MYOM3: variants seen among roughly 807,000 people sequenced by gnomAD.
MYOM3 encodes the protein myomesin 3.
In MYOM3, 155 loss-of-function variants were observed where a neutral mutation model predicts 191.7. That is an observed-to-expected ratio of 0.81 (90% CI 0.71 to 0.92). The LOEUF is 0.92. Among genes scored for constraint, MYOM3 ranks in the 40% least tolerant of loss-of-function variants. The probability of loss-of-function intolerance (pLI) is 0.00; values close to 1 mark genes in which losing one functional copy is unlikely to be tolerated. For missense variants in MYOM3, 1,889 were observed against 1,890.6 expected (o/e 1.00, Z 0.02); for synonymous variants, 757 against 762.9 (o/e 0.99, Z 0.13).
At chr1:24,100,370 CT>C (rs1199575842) in intron 5 of MYOM3, among the ~76,000 whole-genome samples, 3 of 152,178 alleles carry the variant, frequency 2.0e-5, no homozygotes, top group Non-Finnish European at 4.4e-5. Context: ...GTTTATTTCC[CT>C]TCTGGGGGCA....
intron 21 of MYOM3, 108 bp downstream of exon 21, chr1:24,076,051 T>C: frequency 1.3e-6 from 1 of 790,528 alleles, no homozygotes; most frequent in Non-Finnish European, 2.1e-6. Flanking sequence ...GCCAGAGAAG[T>C]GTGAGGGCCT....
chr1:24,056,239 G>C lies in MYOM3; in HGVS notation c.*1125C>G, dbSNP rs1570844014. 6.6e-6 allele frequency: 1 copy of C among 152,162 alleles called. No homozygotes were observed. Among genetic ancestry groups the C allele is most frequent in the African/African-American group, 2.4e-5 (1 of 41,426 alleles). The allele number at this position is 152,162 out of a possible 1,614,324, so 9.4% of individuals were successfully genotyped here. A position where few individuals can be genotyped will look rare whatever the true frequency, so the allele number is the denominator to read the frequency against. On this transcript the variant is annotated 3_prime_UTR_variant, in exon 37 of 37. Coordinates refer to ENST00000374434, the MANE Select transcript of MYOM3 (RefSeq NM_152372.4). ...GCCGGTATCTGTCACACCAGGCAGA[G>C]GCCCCGTGCTGGAAGCCCTGGAGGT...
intron 28 of MYOM3, 107 bp downstream of exon 28, chr1:24,066,914 G>T: frequency 9.6e-7 from 1 of 1,038,206 alleles, no homozygotes; most frequent in Non-Finnish European, 1.4e-6. Context: ...GCCAAGCACA[G>T]AGTATGGAAT....
intron 5 of MYOM3, among the ~76,000 whole-genome samples, chr1:24,105,301 G>A (rs933318601): frequency 6.6e-6 from 1 of 152,260 alleles, no homozygotes; most frequent in Non-Finnish European, 1.5e-5. Context: ...TAAGAGGCAT[G>A]GCTGAGACCT....
intron 23 of MYOM3, among the ~76,000 whole-genome samples, 198 bp downstream of exon 23, chr1:24,073,962 T>C (rs904187578): frequency 6.6e-6 from 1 of 151,734 alleles, no homozygotes; most frequent in Non-Finnish European, 1.5e-5. Context: ...TTCACTGATG[T>C]AATATCCAGG....
chr1:24,068,469 G>A, intron 25 of MYOM3, 102 bp from the exon 26 acceptor site: 1 of 1,423,822 alleles, frequency 7.0e-7, no homozygotes, highest in South Asian at 1.3e-5. Flanking sequence ...GCACAGAGCT[G>A]TCAGCCTTCA....
rs375743007 is a variant in MYOM3 at position 24,094,933 on chromosome 1, C to T, written c.848G>A (p.Arg283His). The change falls in exon 9 of 37, where the codon CGT (arginine) becomes CAT (histidine). Residue 283 changes from arginine (R) to histidine (H), a missense_variant. Arg to His is a conservative substitution (Grantham distance 29). Transcript: ENST00000374434. ...FTSVLKPVFA[R>H]EKEPFSLSCL... ...TGACAGGGAGAAGGGTTCCTTCTCA[C>T]GAGCAAAGACTGGCTTCAGCACCGA... 17 of 1,614,060 alleles carry T rather than the reference C, an allele frequency of 1.1e-5. No individual in the cohort carries two copies. In the Admixed American group the frequency reaches 1.7e-4, roughly 16 times the overall value.
rs761935919 is a variant in MYOM3, at chr1:24,084,595, G to A, written c.1843C>T (p.Gln615Ter). Residue 615 changes from glutamine to a stop codon, truncating the protein, a stop_gained, in exon 16 of 37, where the codon CAG (glutamine) becomes TAG (stop). Coordinates refer to ENST00000374434, the MANE Select transcript of MYOM3 (RefSeq NM_152372.4). LOFTEE classifies it high-confidence loss of function. ...TCCCATGTCAGGGAGACAGAGGTCTGTGTGTCTCTGAAAGCTTGAACTTGA... is the reference window on the plus strand; with the variant it reads ...TCCCATGTCAGGGAGACAGAGGTCTATGTGTCTCTGAAAGCTTGAACTTGA... The part of the protein sequence containing the change: ...PAQVQAFRDT[Q>*]TSVSLTWDPV... The A allele has an allele frequency of 6.2e-7, 1 of 1,613,952 alleles. No homozygotes were observed. The highest frequency in any genetic ancestry group is 2.2e-5 in the East Asian group (1 of 44,868).
chr1:24,063,056 G>T lies in MYOM3; in HGVS notation c.3770+70C>A, dbSNP rs1470892565. On this transcript the variant is annotated intron_variant, in intron 32 of 36. Transcript: ENST00000374434. The surrounding 1 kb of genome is among the most constrained non-coding windows in gnomAD (Gnocchi z 4.5). ...GGAGGACCAGGCAGGGAGAAGGGAG[G>T]GAGGCCCCCATGGGTCAGGTGCTGA... The T allele has an allele frequency of 3.0e-6, 3 of 1,008,448 alleles. No individual in the cohort carries two copies. The African/African-American group carries it at 4.7e-5, about 16-fold the overall frequency. The allele number at this position is 1,008,448 out of a possible 1,614,324, so 62.5% of individuals were successfully genotyped here.
At chr1:24,061,661 C>T (rs543485395) in intron 33 of MYOM3, among the ~76,000 whole-genome samples, 28 of 152,104 alleles carry the variant, frequency 1.8e-4, no homozygotes, top group Admixed American at 5.2e-4. Flanking sequence ...CTCATTGCAG[C>T]CTCTATCTCC....
Position 24,063,232 on chromosome 1 carries a change from G to A in MYOM3, c.3664C>T (p.Leu1222Phe). The A allele has an allele frequency of 6.2e-7, 1 of 1,612,880 alleles. No homozygotes were observed. Among genetic ancestry groups the A allele is most frequent in the Non-Finnish European group, 8.5e-7 (1 of 1,178,878 alleles). ...TGGATTTTCAGTGGAGTTGCAGAGA[G>A]GGCTGGGGAGACAGAGGAGAAGGAT... ...IFTELGRIGA[L>F]SATPLKIQGT... Residue 1222 changes from leucine (L) to phenylalanine (F), a missense_variant and splice_region_variant, in exon 32 of 37, where the codon CTC becomes TTC. Coordinates refer to ENST00000374434, the MANE Select transcript of MYOM3 (RefSeq NM_152372.4). The surrounding 1 kb of genome is among the most constrained non-coding windows in gnomAD (Gnocchi z 4.5).
intron 1 of MYOM3, among the ~76,000 whole-genome samples, chr1:24,109,517 A>G (rs1260185971): frequency 6.6e-6 from 1 of 152,210 alleles, no homozygotes. Flanking sequence ...ACAATTTAGC[A>G]TTGATTCAGA....
At chr1:24,085,194 A>G (rs1304958871) in intron 15 of MYOM3, among the ~76,000 whole-genome samples, 2 of 151,972 alleles carry the variant, frequency 1.3e-5, no homozygotes, top group African/African-American at 4.8e-5. Context: ...GGATGGATGG[A>G]TGGATGGATA....
At chr1:24,081,969 T>C (rs770360801) in intron 18 of MYOM3, 32 bp downstream of exon 18, 1 of 1,585,898 alleles carries the variant, frequency 6.3e-7, no homozygotes, top group Non-Finnish European at 8.6e-7. Flanking sequence ...AAACAAGTCA[T>C]GACACAGGCT....
chr1:24,108,113 T>C lies in MYOM3; in HGVS notation c.162-40A>G, dbSNP rs191232622. 694 of 1,591,150 alleles carry C rather than the reference T, an allele frequency of 4.4e-4. 5 individuals are homozygous for C. The African/African-American group carries it at 8.5e-3, about 19-fold the overall frequency. ...AGGGGAGTAAATGGCTCTTGCAGGA[T>C]TGGCTGGGGGCTCCCTGAGATTAGG... On this transcript the variant is annotated intron_variant, in intron 2 of 36. Transcript: ENST00000374434.
At chr1:24,107,271 G>T (rs893312608) in intron 3 of MYOM3, 39 bp from the exon 4 acceptor site, 4 of 1,534,574 alleles carry the variant, frequency 2.6e-6, no homozygotes, top group East Asian at 2.4e-5. Context: ...GGCAGGGATG[G>T]GGGATGCCTG....
intron 9 of MYOM3, among the ~76,000 whole-genome samples, chr1:24,093,854 G>A (rs1479659969): frequency 6.6e-6 from 1 of 152,096 alleles, no homozygotes; most frequent in Non-Finnish European, 1.5e-5. Flanking sequence ...TCAGAGCTGG[G>A]GGTGCCAGAG....
intron 25 of MYOM3, among the ~76,000 whole-genome samples, chr1:24,068,570 TG>T (rs1370698166): frequency 6.6e-6 from 1 of 152,086 alleles, no homozygotes. Flanking sequence ...TTTTTGTTGT[TG>T]TTTTTTTGAG....
In MYOM3 at chr1:24,057,202, C is replaced by T; in HGVS notation, c.*162G>A. On this transcript the variant is annotated 3_prime_UTR_variant, in exon 37 of 37. Transcript: ENST00000374434. ...CCCCAGAAAGATCTTTGCTTCTCCACTTTGGTGCATCCGCTCCACCCCCAC... is the reference window on the plus strand; with the variant it reads ...CCCCAGAAAGATCTTTGCTTCTCCATTTTGGTGCATCCGCTCCACCCCCAC... 1.4e-6 allele frequency: 1 copy of T among 713,742 alleles called. No homozygotes were observed. 44.2% of individuals were successfully genotyped at this position (713,742 alleles called of 1,614,324 possible). A position where few individuals can be genotyped will look rare whatever the true frequency, so the allele number is the denominator to read the frequency against.
Sources: allele counts gnomAD v4.1 joint callset (sites outside exome capture counted in the v4.1 genomes callset), GRCh38; gene constraint gnomAD v4.1.1; non-coding constraint Gnocchi (gnomAD v3.1); transcripts MANE v1.5; gene names NCBI Gene and HGNC (gene_info 2026-07-23, HGNC 2026-07-21).